The following ST6GALNAC5 variants were observed in gnomAD, a reference collection of about 807,000 sequenced individuals.
The protein encoded by ST6GALNAC5 is alpha-N-acetylgalactosaminide alpha-2,6-sialyltransferase 5.
In ST6GALNAC5, 27 loss-of-function variants were observed where a neutral mutation model predicts 33.6. The observed-to-expected ratio is 0.80, with a 90% CI of 0.59 to 1.11. The LOEUF is 1.11. Ranked by LOEUF, ST6GALNAC5 falls within the 50% of genes least tolerant of loss-of-function variation. The pLI, the probability that ST6GALNAC5 is intolerant of heterozygous loss-of-function variation, is 0.00. For synonymous variants in ST6GALNAC5, 194 were observed against 171.2 expected, an observed-to-expected ratio of 1.13 and a Z score of -1.04; for missense variants, 428 against 454.0, an observed-to-expected ratio of 0.94 and a Z score of 0.52.
chr1:76,986,541 G>T (rs902064620), intron 2 of ST6GALNAC5, among the ~76,000 whole-genome samples: 1 of 152,172 alleles, frequency 6.6e-6, no homozygotes. Flanking sequence ...TGGAGAAATA[G>T]GAACACTTTT....
Position 77,063,113 on chromosome 1 carries a change from C to T in ST6GALNAC5, c.918C>T (p.Asn306=). The T allele has an allele frequency of 1.2e-6, 2 of 1,613,886 alleles. No individual in the cohort carries two copies. The highest frequency in any genetic ancestry group is 1.7e-6 in the Non-Finnish European group (2 of 1,179,870). ...RFITEKRVFK[N]WARTFNIHFF... ...TCACAGAGAAACGAGTCTTTAAGAA[C>T]TGGGCACGGACATTCAATATTCACT... The change falls in exon 5 of 5, where the codon AAC becomes AAT. Residue 306 remains asparagine (N), a synonymous_variant. Coordinates refer to ENST00000477717, the MANE Select transcript of ST6GALNAC5 (RefSeq NM_030965.3).
At chr1:76,998,317 G>A (rs866302627) in intron 2 of ST6GALNAC5, among the ~76,000 whole-genome samples, 1 of 152,092 alleles carries the variant, frequency 6.6e-6, no homozygotes, top group South Asian at 2.1e-4. Flanking sequence ...GATCGCTTGA[G>A]CCCAGAAGTT....
chr1:76,954,563 G>A (rs2100341770), intron 2 of ST6GALNAC5, among the ~76,000 whole-genome samples: 1 of 152,152 alleles, frequency 6.6e-6, no homozygotes, highest in Middle Eastern at 3.4e-3. Flanking sequence ...AAGAAAGAGT[G>A]AGTGTTTGTA....
intron 2 of ST6GALNAC5, among the ~76,000 whole-genome samples, chr1:76,981,652 A>C (rs919178232): frequency 1.8e-5 from 1 of 56,580 alleles, no homozygotes; most frequent in Admixed American, 1.2e-4. Flanking sequence ...CCAGCATTGC[A>C]TTTGAGCTCG....
chr1:76,902,036 A>T (rs892497120), intron 2 of ST6GALNAC5, among the ~76,000 whole-genome samples: 2 of 152,112 alleles, frequency 1.3e-5, no homozygotes, highest in Admixed American at 1.3e-4. Flanking sequence ...ATAAAATGAT[A>T]CATTGAGATC....
At chr1:76,898,900 G>A (rs936532535) in intron 2 of ST6GALNAC5, among the ~76,000 whole-genome samples, 2 of 152,106 alleles carry the variant, frequency 1.3e-5, no homozygotes, top group Admixed American at 6.6e-5. Flanking sequence ...AGATTAGAAA[G>A]ACTCAGTGAC....
intron 2 of ST6GALNAC5, among the ~76,000 whole-genome samples, chr1:76,914,610 A>T (rs560757216): frequency 2.0e-5 from 3 of 152,218 alleles, no homozygotes; most frequent in African/African-American, 7.2e-5. Flanking sequence ...CTATTTAATA[A>T]ATGGTGCTGG....
At chr1:76,929,249 G>A (rs893011076) in intron 2 of ST6GALNAC5, among the ~76,000 whole-genome samples, 3 of 152,014 alleles carry the variant, frequency 2.0e-5, no homozygotes, top group Admixed American at 6.6e-5. Flanking sequence ...CTAAAATACT[G>A]CCTCTAGATG....
chr1:76,984,664 A>G (rs1012065019), intron 2 of ST6GALNAC5, among the ~76,000 whole-genome samples: 1 of 152,246 alleles, frequency 6.6e-6, no homozygotes, highest in Non-Finnish European at 1.5e-5. Flanking sequence ...AACTCATTTT[A>G]TGAGGCCAAC....
At chr1:76,974,773 C>CTTTTTTTTT (rs60357939) in intron 2 of ST6GALNAC5, among the ~76,000 whole-genome samples, 482 of 35,232 alleles carry the variant, frequency 0.014, 73 homozygotes, top group Middle Eastern at 0.045. Context: ...TTCTTTCTTT[C>CTTTTTTTTT]TTTTTTTTTT....
chr1:77,021,470 G>A (rs964506000), intron 2 of ST6GALNAC5, among the ~76,000 whole-genome samples: 9 of 152,106 alleles, frequency 5.9e-5, no homozygotes, highest in African/African-American at 9.6e-5. Context: ...TTTTGTTGCC[G>A]CCATACTTCA....
intron 2 of ST6GALNAC5, among the ~76,000 whole-genome samples, chr1:76,987,440 C>T (rs1481335505): frequency 6.6e-6 from 1 of 152,080 alleles, no homozygotes. Flanking sequence ...CAAAAAATAA[C>T]AAGTGTTGGC....
At chr1:77,019,424 G>T (rs1387840352) in intron 2 of ST6GALNAC5, among the ~76,000 whole-genome samples, 1 of 152,190 alleles carries the variant, frequency 6.6e-6, no homozygotes, top group East Asian at 1.9e-4. Context: ...ATTGTGGTGT[G>T]AGACTCGCAA....
intron 2 of ST6GALNAC5, among the ~76,000 whole-genome samples, chr1:76,910,672 G>A (rs920619901): frequency 6.6e-6 from 1 of 151,932 alleles, no homozygotes; most frequent in African/African-American, 2.4e-5. Context: ...ATCAATGTGA[G>A]TTTGAATAAG....
At chr1:76,984,588 A>G (rs1456332125) in intron 2 of ST6GALNAC5, among the ~76,000 whole-genome samples, 1 of 152,260 alleles carries the variant, frequency 6.6e-6, no homozygotes, top group Non-Finnish European at 1.5e-5. Context: ...TTAGAGGTAC[A>G]AAGAGGAGCT....
intron 2 of ST6GALNAC5, among the ~76,000 whole-genome samples, chr1:77,023,137 A>C (rs1328804812): frequency 1.3e-5 from 2 of 152,194 alleles, no homozygotes; most frequent in Non-Finnish European, 2.9e-5. Flanking sequence ...AGCCAAGGGA[A>C]GAGGACTCAG....
At chr1:76,971,665 C>CTT (rs1314881123) in intron 2 of ST6GALNAC5, among the ~76,000 whole-genome samples, 1 of 152,018 alleles carries the variant, frequency 6.6e-6, no homozygotes. Context: ...ATCATATACT[C>CTT]TTTCAGAATA....
chr1:77,041,324 T>C (rs1651823696), intron 2 of ST6GALNAC5, among the ~76,000 whole-genome samples: 1 of 152,198 alleles, frequency 6.6e-6, no homozygotes, highest in South Asian at 2.1e-4. Context: ...TCTGTCATGG[T>C]TTGTCTGGGG....
chr1:77,044,510 C>T lies in ST6GALNAC5; in HGVS notation c.568C>T (p.His190Tyr). Residue 190 changes from histidine (H) to tyrosine (Y), a missense_variant, in exon 3 of 5, where the codon CAT (histidine) becomes TAT (tyrosine). Physicochemically the swap from His to Tyr is moderately conservative, Grantham distance 83 (BLOSUM62 2). Coordinates refer to ENST00000477717, the MANE Select transcript of ST6GALNAC5 (RefSeq NM_030965.3). Reference sequence around the variant, plus strand: ...CAAGGGCCAGGTCTACAACAACCTGCATCTCCTGAGCCAGGTGCTGCCCCG... The same window carrying T: ...CAAGGGCCAGGTCTACAACAACCTGTATCTCCTGAGCCAGGTGCTGCCCCG... ...DGKGQVYNNL[H>Y]LLSQVLPRLK... 6.2e-7 allele frequency: 1 copy of T among 1,612,566 alleles called. No homozygotes were observed. The highest frequency in any genetic ancestry group is 8.5e-7 in the Non-Finnish European group (1 of 1,179,212).
Sources: gnomAD v4.1 joint callset for allele counts (sites outside exome capture counted in the v4.1 genomes callset) on GRCh38, gnomAD v4.1.1 for gene constraint, MANE v1.5 for transcripts, NCBI Gene and HGNC (gene_info 2026-07-23, HGNC 2026-07-21) for gene names.